The following ARHGEF3 variants were observed in gnomAD, a reference collection of about 807,000 sequenced individuals.
ARHGEF3 encodes the protein Rho guanine nucleotide exchange factor 3, also known as 59.8 kDA protein.
Under a neutral mutation model 63.2 loss-of-function variants are expected in ARHGEF3, and 28 were observed. That is an observed-to-expected ratio of 0.44 (90% CI 0.33 to 0.61). The LOEUF is 0.61. Among genes scored for constraint, ARHGEF3 ranks in the 20% least tolerant of loss-of-function variants. The pLI is 0.03. For missense variants in ARHGEF3, 533 were observed against 659.3 expected, an observed-to-expected ratio of 0.81 and a Z score of 2.10; for synonymous variants, 266 against 254.2, an observed-to-expected ratio of 1.05 and a Z score of -0.44.
Position 56,937,684 on chromosome 3 carries a change from C to A in ARHGEF3, c.129+21139G>T, listed in dbSNP as rs140384817. On this transcript the variant is annotated intron_variant, in intron 3 of 12. Transcript: ENST00000338458. ...TTGTATATACATCTTCAGTTGAGCCCCAGAGGAAGCTGTTGTTTGTTTTTA... is the reference window on the plus strand; with the variant it reads ...TTGTATATACATCTTCAGTTGAGCCACAGAGGAAGCTGTTGTTTGTTTTTA... Among the ~76,000 whole-genome samples the A allele has an allele frequency of 6.8e-3, 1,040 of 152,186 alleles. 14 individuals carry two copies. Among genetic ancestry groups the A allele is most frequent in the African/African-American group, 0.023 (973 of 41,500 alleles).
At chr3:56,995,664 A>AGAGAGAGAGAGAGAGG (rs1701954730) in intron 2 of ARHGEF3, among the ~76,000 whole-genome samples, 1 of 123,230 alleles carries the variant, frequency 8.1e-6, no homozygotes, top group Non-Finnish European at 1.8e-5. Context: ...AGAGAGAGAG[A>AGAGAGAGAGAGAGAGG]GAGAGAGAAT....
rs372921398 is a variant in ARHGEF3, at chr3:56,825,017, ACTGGAGTGTAGCAGCCCCAGT to A, written c.193-51222_193-51202del. The stretch of plus-strand genomic sequence containing the variant: ...ATGCAGCACTGTTAGGAATCCATAT[ACTGGAGTGTAGCAGCCCCAGT>A]CTGGATTCTGATTCCACCAGTAATT... On this transcript the variant is annotated intron_variant, in intron 4 of 12. Transcript: ENST00000338458. 4.3e-3 allele frequency among the ~76,000 whole-genome samples: 653 copies of A among 152,338 alleles called. 7 individuals are homozygous for A. The highest frequency in any genetic ancestry group is 0.015 in the African/African-American group (616 of 41,576).
intron 4 of ARHGEF3, among the ~76,000 whole-genome samples, chr3:56,880,260 C>A (rs1163548088): frequency 2.0e-5 from 3 of 152,092 alleles, no homozygotes; most frequent in Non-Finnish European, 4.4e-5. Flanking sequence ...GATTTATCTT[C>A]TATACAAGTC....
chr3:56,741,346 C>T (rs1344951952), intron 7 of ARHGEF3, among the ~76,000 whole-genome samples: 5 of 151,164 alleles, frequency 3.3e-5, no homozygotes, highest in Non-Finnish European at 5.9e-5. Flanking sequence ...CCACCATGCC[C>T]GGCTAATTTT....
intron 3 of ARHGEF3, among the ~76,000 whole-genome samples, chr3:56,954,795 T>C (rs1699967486): frequency 6.6e-6 from 1 of 152,056 alleles, no homozygotes; most frequent in Non-Finnish European, 1.5e-5. Flanking sequence ...GTAATATGAG[T>C]GTCAATAGCC....
chr3:57,066,296 C>G (rs1705533397), intron 1 of ARHGEF3, among the ~76,000 whole-genome samples: 1 of 151,324 alleles, frequency 6.6e-6, no homozygotes, highest in Non-Finnish European at 1.5e-5. Flanking sequence ...GAAACAGAGT[C>G]TGACTCTGTC....
chr3:56,951,254 T>G (rs1162482163), intron 3 of ARHGEF3, among the ~76,000 whole-genome samples: 1 of 150,218 alleles, frequency 6.7e-6, no homozygotes, highest in Non-Finnish European at 1.5e-5. Context: ...GTTGTGCACA[T>G]GTACCCTAAA....
At chr3:56,826,292 T>G (rs942514235) in intron 4 of ARHGEF3, among the ~76,000 whole-genome samples, 2 of 152,222 alleles carry the variant, frequency 1.3e-5, no homozygotes, top group African/African-American at 4.8e-5. Flanking sequence ...CTCTATTTGC[T>G]TAAAGAAATT....
chr3:57,035,402 T>G (rs1703910153), intron 1 of ARHGEF3, among the ~76,000 whole-genome samples: 1 of 152,222 alleles, frequency 6.6e-6, no homozygotes, highest in Non-Finnish European at 1.5e-5. Context: ...CATGCTGCAG[T>G]GCAGTGGCAC....
chr3:56,906,613 A>T (rs1382265278), intron 3 of ARHGEF3, among the ~76,000 whole-genome samples: 1 of 152,176 alleles, frequency 6.6e-6, no homozygotes, highest in African/African-American at 2.4e-5. Context: ...AGGCAAGTGG[A>T]TCACCTGAGG....
intron 4 of ARHGEF3, among the ~76,000 whole-genome samples, chr3:56,874,239 A>C (rs2040518078): frequency 6.6e-6 from 1 of 152,162 alleles, no homozygotes; most frequent in South Asian, 2.1e-4. Flanking sequence ...ATAAACCCAA[A>C]ACAAACAAAC....
intron 2 of ARHGEF3, among the ~76,000 whole-genome samples, chr3:57,017,005 GTCTCTCTCTCTCTCTC>G (rs370663400): frequency 7.7e-6 from 1 of 129,058 alleles, no homozygotes; most frequent in Non-Finnish European, 1.6e-5. Context: ...CTTTCTCTCT[GTCTCTCTCTCTCTCTC>G]TCTCTCTCTC....
chr3:57,026,306 T>A (rs1579117104), intron 2 of ARHGEF3, among the ~76,000 whole-genome samples: 1 of 151,952 alleles, frequency 6.6e-6, no homozygotes, highest in Non-Finnish European at 1.5e-5. Flanking sequence ...GAGGCTGAGG[T>A]AGAAGGATCA....
intron 4 of ARHGEF3, among the ~76,000 whole-genome samples, chr3:56,881,268 T>G (rs2040755587): frequency 1.3e-5 from 2 of 152,218 alleles, no homozygotes; most frequent in Non-Finnish European, 2.9e-5. Flanking sequence ...ATTCCTAGCA[T>G]GGAAGGCTTC....
intron 1 of ARHGEF3, among the ~76,000 whole-genome samples, chr3:57,066,699 T>C (rs994370044): frequency 6.6e-6 from 1 of 152,268 alleles, no homozygotes; most frequent in African/African-American, 2.4e-5. Context: ...TGTGAAGGTA[T>C]TTTTTAGATG....
At chr3:56,972,896 G>A (rs1305217048) in intron 2 of ARHGEF3, among the ~76,000 whole-genome samples, 2 of 152,048 alleles carry the variant, frequency 1.3e-5, no homozygotes, top group East Asian at 1.9e-4. Flanking sequence ...TCCAGGTGGC[G>A]AGACGGGGGC....
At chr3:56,968,809 C>A (rs1700780778) in intron 2 of ARHGEF3, among the ~76,000 whole-genome samples, 1 of 152,052 alleles carries the variant, frequency 6.6e-6, no homozygotes, top group Non-Finnish European at 1.5e-5. Flanking sequence ...ACACTTATGA[C>A]ACATCTTCAT....
At chr3:56,958,468 A>G (rs958262986) in intron 3 of ARHGEF3, among the ~76,000 whole-genome samples, 1 of 137,224 alleles carries the variant, frequency 7.3e-6, no homozygotes, top group African/African-American at 2.5e-5. Flanking sequence ...AGCTAGGACT[A>G]CAGGCACATG....
At chr3:56,733,984 C>CAAAAAAAAAAAAAAAAAAAAAA in intron 8 of ARHGEF3, among the ~76,000 whole-genome samples, 1 of 55,120 alleles carries the variant, frequency 1.8e-5, no homozygotes, top group Non-Finnish European at 3.5e-5. Context: ...AATTCTGTCT[C>CAAAAAAAAAAAAAAAAAAAAAA]AAAAAAAAAA....
Sources: gnomAD v4.1 joint callset for allele counts (sites outside exome capture counted in the v4.1 genomes callset) on GRCh38, gnomAD v4.1.1 for gene constraint, MANE v1.5 for transcripts, NCBI Gene and HGNC (gene_info 2026-07-23, HGNC 2026-07-21) for gene names.